FBXO28: variants seen among roughly 807,000 people sequenced by gnomAD.
FBXO28 encodes the protein F-box protein 28.
In FBXO28, 8 loss-of-function variants were observed where a neutral mutation model predicts 38.1. The observed-to-expected ratio is 0.21, with a 90% confidence interval of 0.12 to 0.38. FBXO28 has a LOEUF of 0.38. Ranked by LOEUF, FBXO28 falls within the 10% of genes least tolerant of loss-of-function variation. The probability of loss-of-function intolerance (pLI) is 1.00; values close to 1 mark genes in which losing one functional copy is unlikely to be tolerated. For synonymous variants in FBXO28, 168 were observed against 173.8 expected, an observed-to-expected ratio of 0.97 and a Z score of 0.26; for missense variants, 345 against 460.6, an observed-to-expected ratio of 0.75 and a Z score of 2.30.
intron 4 of FBXO28, among the ~76,000 whole-genome samples, chr1:224,154,769 G>T (rs1657733704): frequency 1.3e-5 from 2 of 149,614 alleles, no homozygotes; most frequent in African/African-American, 4.9e-5. Flanking sequence ...GATTGATCGT[G>T]CCACTGCACT....
chr1:224,134,173 A>G lies in FBXO28; in HGVS notation c.477A>G (p.Lys159=). 6.2e-7 allele frequency: 1 copy of G among 1,612,162 alleles called. No homozygotes were observed. The highest frequency in any genetic ancestry group is 8.5e-7 in the Non-Finnish European group (1 of 1,179,296). ...CACTATTAAATATGACTTTCATGAA[A>G]TATGTGGATTCCAATCTCTGTTGCT... The part of the protein sequence containing the change: ...RLSLLNMTFM[K]YVDSNLCCFI... The change falls in exon 3 of 5, where the codon AAA becomes AAG. Residue 159 remains lysine (K), a synonymous_variant. Coordinates refer to ENST00000366862, the MANE Select transcript of FBXO28 (RefSeq NM_015176.4).
chr1:224,142,765 A>G (rs987482955), intron 3 of FBXO28, among the ~76,000 whole-genome samples: 2 of 151,990 alleles, frequency 1.3e-5, no homozygotes, highest in Non-Finnish European at 1.5e-5. Flanking sequence ...CCTGGGCAAC[A>G]TGGTGAAACC....
At chr1:224,125,823 T>TA (rs2102613517) in intron 1 of FBXO28, among the ~76,000 whole-genome samples, 1 of 152,060 alleles carries the variant, frequency 6.6e-6, no homozygotes, top group East Asian at 1.9e-4. Flanking sequence ...TATTTGGGGG[T>TA]TCACCACGTT....
At chr1:224,127,083 G>T (rs1572009388) in intron 1 of FBXO28, among the ~76,000 whole-genome samples, 1 of 151,852 alleles carries the variant, frequency 6.6e-6, no homozygotes, top group South Asian at 2.1e-4. Context: ...CAGGACTGGG[G>T]CACTGGTTCT....
At chr1:224,132,786 C>A (rs1657082676) in intron 2 of FBXO28, among the ~76,000 whole-genome samples, 2 of 143,946 alleles carry the variant, frequency 1.4e-5, no homozygotes, top group East Asian at 2.0e-4. Flanking sequence ...GCCTGGGCGA[C>A]AGAGTGAGCC....
intron 3 of FBXO28, among the ~76,000 whole-genome samples, chr1:224,150,741 C>A (rs1385063602): frequency 2.0e-5 from 3 of 152,154 alleles, no homozygotes; most frequent in African/African-American, 7.2e-5. Context: ...TTCAGTCTTA[C>A]CTTACAAATG....
chr1:224,115,324 A>G (rs1656620642), intron 1 of FBXO28, among the ~76,000 whole-genome samples: 1 of 152,206 alleles, frequency 6.6e-6, no homozygotes, highest in South Asian at 2.1e-4. Context: ...AAGGAGGTGG[A>G]CATTTTGAAG....
chr1:224,134,289 T>G, intron 3 of FBXO28, 77 bp downstream of exon 3: 1 of 1,395,472 alleles, frequency 7.2e-7, no homozygotes, highest in Non-Finnish European at 9.8e-7. Context: ...TTTCTGATTT[T>G]AGAAATGTTA....
Position 224,157,391 on chromosome 1 carries a change from T to C in FBXO28, c.752T>C (p.Phe251Ser). 1 of 1,613,992 alleles carries C rather than the reference T, an allele frequency of 6.2e-7. No individual in the cohort carries two copies. Among genetic ancestry groups the C allele is most frequent in the Non-Finnish European group, 8.5e-7 (1 of 1,179,944 alleles). The change falls in exon 5 of 5, where the codon TTC becomes TCC. Residue 251 changes from phenylalanine to serine, a missense_variant. Transcript: ENST00000366862. ...PSAALTTMQL[F>S]SKQNPSRQEV... is the part of the protein sequence containing the mutation. ...GCAGCCCTAACAACAATGCAGCTCT[T>C]CTCCAAGCAAAATCCTTCAAGACAA...
At chr1:224,122,318 G>T (rs1656797889) in intron 1 of FBXO28, among the ~76,000 whole-genome samples, 1 of 152,116 alleles carries the variant, frequency 6.6e-6, no homozygotes, top group African/African-American at 2.4e-5. Context: ...CTGAATGTGT[G>T]TATGTGTGCA....
intron 1 of FBXO28, among the ~76,000 whole-genome samples, chr1:224,125,642 CT>C (rs1270361956): frequency 0.013 from 1,843 of 140,648 alleles, 33 homozygotes; most frequent in African/African-American, 0.041. Flanking sequence ...TACTCATTCT[CT>C]TTTTTTTTTT....
Position 224,161,401 on chromosome 1 carries a change from G to A in FBXO28, c.*3655G>A, listed in dbSNP as rs1657904136. On this transcript the variant is annotated 3_prime_UTR_variant, in exon 5 of 5. Coordinates refer to ENST00000366862, the MANE Select transcript of FBXO28 (RefSeq NM_015176.4). ...AATAAAAGGCAGTCTGAAAGAAAAC[G>A]TCCTATACGATGCAGTTGTTTGGAA... The A allele has an allele frequency of 1.3e-5, 2 of 152,172 alleles. No individual in the cohort carries two copies. Among genetic ancestry groups the A allele is most frequent in the African/African-American group, 2.4e-5 (1 of 41,438 alleles). The allele number at this position is 152,172 out of a possible 1,614,324, so 9.4% of individuals were successfully genotyped here.
chr1:224,114,239 C>G lies in FBXO28; in HGVS notation c.110C>G (p.Ala37Gly), dbSNP rs1467457842. ...ACCCAGCGACAGCCTCCACCGCCCG[C>G]GCCACAGCACCCGCAGCCGGGGTCC... ...GSTQRQPPPP[A>G]PQHPQPGSQA... is the part of the protein sequence containing the mutation. Residue 37 changes from alanine to glycine, a missense_variant, in exon 1 of 5, where the codon GCG (alanine) becomes GGG (glycine). Ala to Gly is a moderately conservative substitution (Grantham distance 60). Around this residue, in one of 6 missense-constraint regions of FBXO28, gnomAD observed 104 missense variants for 82.0 expected, o/e 1.27. Transcript: ENST00000366862. The G allele has an allele frequency of 3.2e-6, 5 of 1,552,018 alleles. No individual in the cohort carries two copies. The highest frequency in any genetic ancestry group is 4.4e-6 in the Non-Finnish European group (5 of 1,148,014).
rs1269403169 is a variant in FBXO28 at position 224,114,372 on chromosome 1, C to T, written c.243C>T (p.Tyr81=). 7 of 1,594,318 alleles carry T rather than the reference C, an allele frequency of 4.4e-6. No individual in the cohort carries two copies. The highest frequency in any genetic ancestry group is 6.0e-6 in the Non-Finnish European group (7 of 1,169,774). The change falls in exon 1 of 5, where the codon TAC becomes TAT. Residue 81 remains tyrosine, a synonymous_variant. Coordinates refer to ENST00000366862, the MANE Select transcript of FBXO28 (RefSeq NM_015176.4). ...AIENILSFMS[Y]DEISQLRLVC... ...AGAACATCCTCAGCTTTATGTCCTA[C>T]GACGAAATTAGCCAGCTCCGCCTGG...
chr1:224,143,668 C>CA (rs1017742752), intron 3 of FBXO28, among the ~76,000 whole-genome samples: 1 of 151,560 alleles, frequency 6.6e-6, no homozygotes, highest in African/African-American at 2.4e-5. Context: ...ACTAAAAATA[C>CA]AAAAAATAAA....
intron 3 of FBXO28, among the ~76,000 whole-genome samples, chr1:224,144,711 C>A (rs1421797746): frequency 6.7e-6 from 1 of 150,266 alleles, no homozygotes; most frequent in Non-Finnish European, 1.5e-5. Context: ...GAGCCGAGAT[C>A]GTGCCACCAC....
chr1:224,150,070 T>C (rs1212365410), intron 3 of FBXO28, among the ~76,000 whole-genome samples: 1 of 122,750 alleles, frequency 8.1e-6, no homozygotes, highest in Non-Finnish European at 1.7e-5. Context: ...ATGCCTGTAA[T>C]CCCAGCACTT....
At chr1:224,157,225 T>C in intron 4 of FBXO28, 127 bp from the exon 5 acceptor site, 2 of 1,174,362 alleles carry the variant, frequency 1.7e-6, no homozygotes, top group African/African-American at 3.1e-5. Flanking sequence ...ACTGACCAAA[T>C]GGATTGCAAA....
intron 3 of FBXO28, among the ~76,000 whole-genome samples, chr1:224,147,156 G>C (rs1322429463): frequency 6.6e-6 from 1 of 151,842 alleles, no homozygotes; most frequent in Non-Finnish European, 1.5e-5. Flanking sequence ...CGGATGCGGT[G>C]GCTCACGCCT....
Sources: gnomAD v4.1 joint callset for allele counts (sites outside exome capture counted in the v4.1 genomes callset) on GRCh38, gnomAD v4.1.1 for gene constraint, gnomAD v4.1.1 regional missense constraint, MANE v1.5 for transcripts, NCBI Gene and HGNC (gene_info 2026-07-23, HGNC 2026-07-21) for gene names.